The following NR6A1 variants were observed in gnomAD, a reference collection of about 807,000 sequenced individuals.
The protein encoded by NR6A1 is nuclear receptor subfamily 6 group A member 1.
NR6A1 carries 7 observed loss-of-function variants against 59.1 expected under a neutral mutation model. That is an observed-to-expected ratio of 0.12 (90% confidence interval 0.07 to 0.22). The LOEUF is 0.22. Ranked by LOEUF, NR6A1 falls within the 10% of genes least tolerant of loss-of-function variation. The probability of loss-of-function intolerance (pLI) is 1.00; values close to 1 mark genes in which losing one functional copy is unlikely to be tolerated. For synonymous variants in NR6A1, 243 were observed against 236.1 expected (o/e 1.03, Z -0.27); for missense variants, 468 against 611.6 (o/e 0.77, Z 2.48).
intron 1 of NR6A1, among the ~76,000 whole-genome samples, chr9:124,765,686 T>C (rs1324877893): frequency 1.3e-5 from 2 of 152,168 alleles, no homozygotes; most frequent in Non-Finnish European, 2.9e-5. Flanking sequence ...CCAAACTAAA[T>C]CACTGTTAAT....
chr9:124,599,597 C>T (rs1354946904), intron 2 of NR6A1: 3 of 1,161,910 alleles, frequency 2.6e-6, no homozygotes, highest in Non-Finnish European at 3.3e-6. Context: ...GCGGCGGCGG[C>T]GGCCGCTCGG....
intron 2 of NR6A1, among the ~76,000 whole-genome samples, chr9:124,717,452 A>G (rs143585589): frequency 6.3e-4 from 96 of 152,384 alleles, no homozygotes; most frequent in Middle Eastern, 3.4e-3. Flanking sequence ...TCATGCTGAA[A>G]CAAGCACGAA....
At chr9:124,642,109 C>T (rs769810222) in intron 2 of NR6A1, among the ~76,000 whole-genome samples, 4 of 152,008 alleles carry the variant, frequency 2.6e-5, no homozygotes, top group Admixed American at 2.0e-4. Flanking sequence ...ACTGCAGTGG[C>T]GCGATCTCAG....
intron 2 of NR6A1, among the ~76,000 whole-genome samples, chr9:124,598,363 A>G (rs374384698): frequency 9.9e-5 from 15 of 151,866 alleles, no homozygotes; most frequent in African/African-American, 1.9e-4. Flanking sequence ...AAAAAAAAAA[A>G]AAGAAGAAGA....
At chr9:124,703,143 G>A (rs1440742790) in intron 2 of NR6A1, among the ~76,000 whole-genome samples, 1 of 150,932 alleles carries the variant, frequency 6.6e-6, no homozygotes, top group South Asian at 2.1e-4. Flanking sequence ...GACCTCAACT[G>A]ATCTGCCCAC....
chr9:124,649,731 A>AGTTAT (rs1837043786), intron 2 of NR6A1, among the ~76,000 whole-genome samples: 1 of 152,194 alleles, frequency 6.6e-6, no homozygotes, highest in Non-Finnish European at 1.5e-5. Flanking sequence ...ATAACTAAAT[A>AGTTAT]TACACGGAAC....
At chr9:124,556,292 T>A (rs1230419666) in intron 2 of NR6A1, among the ~76,000 whole-genome samples, 2 of 151,916 alleles carry the variant, frequency 1.3e-5, no homozygotes, top group Non-Finnish European at 2.9e-5. Context: ...AAGAAACACA[T>A]CACATGCAAA....
At chr9:124,722,800 G>A (rs1839601221) in intron 2 of NR6A1, among the ~76,000 whole-genome samples, 1 of 152,052 alleles carries the variant, frequency 6.6e-6, no homozygotes, top group Non-Finnish European at 1.5e-5. Flanking sequence ...GTTCAGTGCA[G>A]CCTCAACCTC....
chr9:124,611,530 G>GT lies in NR6A1; in HGVS notation c.143-56961dup, dbSNP rs200137802. ...GCAAGAGGATTGCTTGAGGCCAGAA[G>GT]TTTGAGACCAGCCTGGGCAATATAG... On this transcript the variant is annotated intron_variant, in intron 2 of 9. Transcript: ENST00000487099. 5.5e-3 allele frequency among the ~76,000 whole-genome samples: 835 copies of GT among 152,124 alleles called. 7 individuals are homozygous for GT. Among genetic ancestry groups the GT allele is most frequent in the African/African-American group, 0.019 (793 of 41,486 alleles).
intron 1 of NR6A1, among the ~76,000 whole-genome samples, chr9:124,746,523 AG>A (rs1389822383): frequency 6.6e-6 from 1 of 152,174 alleles, no homozygotes; most frequent in African/African-American, 2.4e-5. Flanking sequence ...CGGGAGGCAA[AG>A]GTTGCAGTGA....
chr9:124,609,648 T>C (rs1359848937), intron 2 of NR6A1, among the ~76,000 whole-genome samples: 1 of 152,204 alleles, frequency 6.6e-6, no homozygotes, highest in Non-Finnish European at 1.5e-5. Flanking sequence ...CTTTGAAGAA[T>C]GTCAATGGTA....
At chr9:124,573,600 C>G (rs752285880) in intron 2 of NR6A1, among the ~76,000 whole-genome samples, 1 of 152,216 alleles carries the variant, frequency 6.6e-6, no homozygotes, top group Non-Finnish European at 1.5e-5. Flanking sequence ...TAGGGCATGT[C>G]TTTCTGACAC....
At chr9:124,764,310 A>G (rs992840121) in intron 1 of NR6A1, among the ~76,000 whole-genome samples, 2 of 152,230 alleles carry the variant, frequency 1.3e-5, no homozygotes, top group Admixed American at 6.5e-5. Context: ...ATGGGATTAC[A>G]CCTGAAGGAA....
At chr9:124,634,771 G>A (rs1030600956) in intron 2 of NR6A1, among the ~76,000 whole-genome samples, 1 of 152,132 alleles carries the variant, frequency 6.6e-6, no homozygotes, top group African/African-American at 2.4e-5. Context: ...GCAATGAGCC[G>A]AGATCGCGCC....
chr9:124,607,676 T>C (rs1835612621), intron 2 of NR6A1, among the ~76,000 whole-genome samples: 2 of 152,096 alleles, frequency 1.3e-5, no homozygotes, highest in Admixed American at 1.3e-4. Flanking sequence ...TTATGAAAAA[T>C]GTTCAACACA....
chr9:124,707,390 C>G (rs1182584244), intron 2 of NR6A1, among the ~76,000 whole-genome samples: 1 of 152,088 alleles, frequency 6.6e-6, no homozygotes, highest in African/African-American at 2.4e-5. Flanking sequence ...TCACTGTCAT[C>G]ACACTTCCTC....
At chr9:124,562,965 G>A (rs770430684) in intron 2 of NR6A1, among the ~76,000 whole-genome samples, 4 of 152,160 alleles carry the variant, frequency 2.6e-5, no homozygotes, top group Non-Finnish European at 5.9e-5. Context: ...TCTAGTCATC[G>A]ATCTGACAAG....
At chr9:124,598,872 G>A in intron 2 of NR6A1, 1 of 718,112 alleles carries the variant, frequency 1.4e-6, no homozygotes, top group South Asian at 1.4e-5. Flanking sequence ...TTGAATTTCT[G>A]TGCATTCTCA....
At chr9:124,611,863 G>A (rs1240011852) in intron 2 of NR6A1, among the ~76,000 whole-genome samples, 1 of 151,908 alleles carries the variant, frequency 6.6e-6, no homozygotes, top group East Asian at 1.9e-4. Context: ...GCTGGGGATG[G>A]GTAGGTCAAG....
Sources: gnomAD v4.1 joint callset for allele counts (sites outside exome capture counted in the v4.1 genomes callset) on GRCh38, gnomAD v4.1.1 for gene constraint, MANE v1.5 for transcripts, NCBI Gene and HGNC (gene_info 2026-07-23, HGNC 2026-07-21) for gene names.